The following ERN1 variants were observed in gnomAD, a reference collection of about 807,000 sequenced individuals.
ERN1 encodes endoplasmic reticulum to nucleus signaling 1.
ERN1 carries 39 observed loss-of-function variants against 113.1 expected under a neutral mutation model. That is an observed-to-expected ratio of 0.34 (90% CI 0.27 to 0.45). The LOEUF (loss-of-function observed/expected upper bound fraction) is 0.45, where lower values mean the gene tolerates loss of function less well. Among genes scored for constraint, ERN1 ranks in the 20% least tolerant of loss-of-function variants. The pLI is 1.00. For synonymous variants in ERN1, 507 were observed against 515.9 expected (o/e 0.98, Z 0.23); for missense variants, 976 against 1,274.8 (o/e 0.77, Z 3.57).
At chr17:64,115,485 A>G (rs1383602897) in intron 1 of ERN1, among the ~76,000 whole-genome samples, 1 of 152,188 alleles carries the variant, frequency 6.6e-6, no homozygotes, top group Non-Finnish European at 1.5e-5. Flanking sequence ...GGCAAGTTCC[A>G]TGGCCGAACT....
chr17:64,081,642 T>C (rs901374673), intron 2 of ERN1, among the ~76,000 whole-genome samples: 3 of 152,226 alleles, frequency 2.0e-5, no homozygotes, highest in African/African-American at 7.2e-5. Context: ...AAAATGCTAA[T>C]TGTAAGTTAT....
intron 1 of ERN1, among the ~76,000 whole-genome samples, chr17:64,111,284 G>A (rs1914664105): frequency 6.6e-6 from 1 of 151,720 alleles, no homozygotes; most frequent in South Asian, 2.1e-4. Flanking sequence ...GTCATTCTCA[G>A]TTTTCCCAGG....
Position 64,043,163 on chromosome 17 carries a change from G to T in ERN1, c.*825C>A, listed in dbSNP as rs1321043915. 6.6e-6 allele frequency: 1 copy of T among 152,490 alleles called. No homozygotes were observed. The allele number at this position is 152,490 out of a possible 1,614,324, so 9.4% of individuals were successfully genotyped here. A position where few individuals can be genotyped will look rare whatever the true frequency, so the allele number is the denominator to read the frequency against. On this transcript the variant is annotated 3_prime_UTR_variant, in exon 22 of 22. Coordinates refer to ENST00000433197, the MANE Select transcript of ERN1 (RefSeq NM_001433.5). ...GTCCTGAAGGCTGGCCCCTGTCTGG[G>T]TCTTCGCTGCTCTCCTTGAAGGCCA...
intron 18 of ERN1, 97 bp downstream of exon 18, chr17:64,048,958 G>C: frequency 8.0e-7 from 1 of 1,243,024 alleles, no homozygotes; most frequent in Non-Finnish European, 1.1e-6. Flanking sequence ...GGGGCACCAC[G>C]GCCTCTGTGA....
chr17:64,066,597 G>C, intron 8 of ERN1, 74 bp downstream of exon 8: 15 of 1,560,946 alleles, frequency 9.6e-6, no homozygotes, highest in Non-Finnish European at 1.3e-5. Flanking sequence ...TCCCGTGCAG[G>C]GCCTGCTACA....
At chr17:64,055,060 T>C (rs1343421120) in intron 13 of ERN1, among the ~76,000 whole-genome samples, 2 of 152,224 alleles carry the variant, frequency 1.3e-5, no homozygotes, top group African/African-American at 2.4e-5. Context: ...TATTGTGCGA[T>C]TGCATATCTT....
In ERN1 at chr17:64,054,066, A is replaced by G; in HGVS notation, c.1953+184T>C. The G allele has an allele frequency of 1.9e-6, 1 of 529,880 alleles. No individual in the cohort carries two copies. Among genetic ancestry groups the G allele is most frequent in the Non-Finnish European group, 3.3e-6 (1 of 300,040 alleles). 32.8% of individuals were successfully genotyped at this position (529,880 alleles called of 1,614,324 possible). A position where few individuals can be genotyped will look rare whatever the true frequency, so the allele number is the denominator to read the frequency against. On this transcript the variant is annotated intron_variant, in intron 15 of 21. Coordinates refer to ENST00000433197, the MANE Select transcript of ERN1 (RefSeq NM_001433.5). The surrounding 1 kb of genome is among the most constrained non-coding windows in gnomAD (Gnocchi z 4.9). ...GCAATCTTCCCACCTCAGCCTCCCA[A>G]GTAGCTGGGGCTACAGGAACACATC...
intron 17 of ERN1, among the ~76,000 whole-genome samples, chr17:64,050,965 G>A (rs941637254): frequency 1.6e-4 from 25 of 152,066 alleles, no homozygotes; most frequent in African/African-American, 4.8e-4. Context: ...GGTGAGCCTC[G>A]GCGACTTGTG....
intron 1 of ERN1, among the ~76,000 whole-genome samples, chr17:64,105,054 A>G (rs1020033318): frequency 5.0e-4 from 76 of 152,298 alleles, no homozygotes; most frequent in African/African-American, 1.7e-3. Context: ...TGAACAAGAG[A>G]GTCACACACT....
chr17:64,044,299 G>C lies in ERN1; in HGVS notation c.2722-99C>G. On this transcript the variant is annotated intron_variant, in intron 21 of 21. Transcript: ENST00000433197. The surrounding 1 kb of genome is among the most constrained non-coding windows in gnomAD (Gnocchi z 4.1). ...TCATCATGCAAGGAAGAGACAGAAT[G>C]TGAGTGTTGGTTTTTGGTAAAGAAA... is the stretch of plus-strand genomic sequence containing the variant. The C allele has an allele frequency of 1.2e-6, 1 of 823,660 alleles. No individual in the cohort carries two copies. The allele number at this position is 823,660 out of a possible 1,614,324, so 51.0% of individuals were successfully genotyped here.
intron 2 of ERN1, among the ~76,000 whole-genome samples, chr17:64,083,027 T>A (rs1373309287): frequency 6.6e-6 from 1 of 152,198 alleles, no homozygotes; most frequent in African/African-American, 2.4e-5. Context: ...CACTGCTGCT[T>A]GGCTTCTGAA....
chr17:64,126,494 C>G (rs1915084820), intron 1 of ERN1, among the ~76,000 whole-genome samples: 1 of 152,096 alleles, frequency 6.6e-6, no homozygotes, highest in South Asian at 2.1e-4. Flanking sequence ...ATGCGGCTCA[C>G]TAGATTTATG....
intron 2 of ERN1, among the ~76,000 whole-genome samples, chr17:64,090,425 T>A (rs993705980): frequency 7.9e-5 from 12 of 152,164 alleles, no homozygotes; most frequent in African/African-American, 2.9e-4. Context: ...ACACTGAACG[T>A]TATAATCAAT....
At chr17:64,055,538 C>A in intron 13 of ERN1, 137 bp downstream of exon 13, 2 of 837,584 alleles carry the variant, frequency 2.4e-6, no homozygotes, top group Non-Finnish European at 3.5e-6. Context: ...CCCACAGAGA[C>A]CCCCAGAGTG....
chr17:64,068,496 CAG>C (rs1206582877), intron 6 of ERN1, among the ~76,000 whole-genome samples: 1 of 152,186 alleles, frequency 6.6e-6, no homozygotes, highest in Admixed American at 6.5e-5. Context: ...CATGTGGAAG[CAG>C]AGACGACCCA....
intron 2 of ERN1, among the ~76,000 whole-genome samples, chr17:64,085,133 A>C (rs762836555): frequency 2.6e-5 from 4 of 152,166 alleles, no homozygotes; most frequent in Non-Finnish European, 4.4e-5. Context: ...GGTGGTAACC[A>C]ACGTATTTGC....
intron 4 of ERN1, among the ~76,000 whole-genome samples, chr17:64,075,882 T>C (rs1252212231): frequency 6.6e-6 from 1 of 152,176 alleles, no homozygotes; most frequent in Non-Finnish European, 1.5e-5. Flanking sequence ...AGCCAGGACA[T>C]TGATGCTGAA....
intron 17 of ERN1, among the ~76,000 whole-genome samples, chr17:64,050,813 G>A (rs1020498401): frequency 3.9e-5 from 6 of 152,186 alleles, no homozygotes; most frequent in African/African-American, 1.2e-4. Flanking sequence ...GCGTGCGTGC[G>A]TGTTTTTATG....
chr17:64,045,230 GA>G, intron 20 of ERN1, 128 bp downstream of exon 20: 2 of 1,074,198 alleles, frequency 1.9e-6, no homozygotes, highest in Admixed American at 4.1e-5. Context: ...ACACACCCAA[GA>G]AAGTCTCAAA....
Sources: allele counts gnomAD v4.1 joint callset (sites outside exome capture counted in the v4.1 genomes callset), GRCh38; gene constraint gnomAD v4.1.1; non-coding constraint Gnocchi (gnomAD v3.1); transcripts MANE v1.5; gene names NCBI Gene and HGNC (gene_info 2026-07-23, HGNC 2026-07-21).